NEB: variants seen among roughly 807,000 people sequenced by gnomAD.
The protein encoded by NEB is nemaline myopathy type 2.
NEB carries 512 observed loss-of-function variants against 952.2 expected under a neutral mutation model. The observed-to-expected ratio is 0.54, with a 90% CI of 0.50 to 0.58. The LOEUF (loss-of-function observed/expected upper bound fraction) is 0.58. Ranked by LOEUF, NEB falls within the 20% of genes least tolerant of loss-of-function variation. The probability of loss-of-function intolerance (pLI) is 0.00; values close to 1 mark genes in which losing one functional copy is unlikely to be tolerated. For missense variants in NEB, 8,428 were observed against 9,231.1 expected (o/e 0.91, Z 3.56); for synonymous variants, 2,900 against 3,149.8 (o/e 0.92, Z 2.66).
At chr2:151,573,440 G>A (rs938277643) in intron 107 of NEB, among the ~76,000 whole-genome samples, 1 of 152,188 alleles carries the variant, frequency 6.6e-6, no homozygotes, top group African/African-American at 2.4e-5. Context: ...CTATACTGCA[G>A]TGAAGAACTG....
intron 142 of NEB, among the ~76,000 whole-genome samples, chr2:151,534,586 C>T (rs1275009920): frequency 3.3e-5 from 5 of 152,128 alleles, no homozygotes; most frequent in Non-Finnish European, 7.3e-5. Context: ...CATATGATGC[C>T]ATTAACAACA....
At chr2:151,563,103 C>A (rs2096183169) in intron 119 of NEB, among the ~76,000 whole-genome samples, 1 of 148,234 alleles carries the variant, frequency 6.7e-6, no homozygotes, top group African/African-American at 2.5e-5. Flanking sequence ...CAACCTCTGC[C>A]TCCTGGGTTC....
chr2:151,665,261 G>A, intron 42 of NEB, 72 bp downstream of exon 42: 1 of 1,393,232 alleles, frequency 7.2e-7, no homozygotes, highest in East Asian at 2.3e-5. Context: ...GGAGACGATT[G>A]GGGCACTGCC....
intron 66 of NEB, 30 bp downstream of exon 66, chr2:151,631,113 T>C (rs772954152): frequency 8.7e-6 from 14 of 1,610,584 alleles, no homozygotes; most frequent in South Asian, 3.3e-5. Context: ...TTCTGGCATC[T>C]TGGAGAAGCT....
chr2:151,560,746 G>A (rs757629824), intron 123 of NEB, 47 bp from the exon 124 acceptor site: 1 of 1,428,860 alleles, frequency 7.0e-7, no homozygotes, highest in African/African-American at 1.4e-5. Context: ...AATGCATCTG[G>A]TTAGCTTCTG....
intron 171 of NEB, 71 bp downstream of exon 171, chr2:151,497,555 G>A (rs1029813917): frequency 1.4e-4 from 209 of 1,525,840 alleles, no homozygotes; most frequent in South Asian, 7.0e-4. Flanking sequence ...GGATTAATAC[G>A]TATTATTTTA....
intron 138 of NEB, among the ~76,000 whole-genome samples, chr2:151,540,022 G>A (rs552422028): frequency 6.6e-6 from 1 of 152,298 alleles, no homozygotes; most frequent in Admixed American, 6.5e-5. Context: ...TTGAATCCAT[G>A]TCTGGCTGAC....
rs767934401 is a variant in NEB at position 151,654,236 on chromosome 2, T to C, written c.6808-137A>G. 1.4e-5 allele frequency: 7 copies of C among 496,042 alleles called. No homozygotes were observed. The South Asian group carries it at 1.9e-4, about 13-fold the overall frequency. The allele number at this position is 496,042 out of a possible 1,614,324, so 30.7% of individuals were successfully genotyped here. ...CTATCTTTAAAGATATGGATAAAAA[T>C]AAAACAAGCTGTTTAAAGGAGGGGA... On this transcript the variant is annotated intron_variant, in intron 51 of 181. Transcript: ENST00000397345.
rs757331071 is a variant in NEB at position 151,690,710 on chromosome 2, T to C, written c.2310+17A>G. 5.1e-6 allele frequency: 8 copies of C among 1,558,334 alleles called. 1 individual carries two copies. Among genetic ancestry groups the C allele is most frequent in the Admixed American group, 3.8e-5 (2 of 53,238 alleles). On this transcript the variant is annotated intron_variant, in intron 24 of 181. Transcript: ENST00000397345. ...GCACTCTGGGTCACCCACGCTTGCA[T>C]AAATCAAAGCACTTACATCACTAAG... is the stretch of plus-strand genomic sequence containing the variant.
chr2:151,704,741 T>C (rs1034119816), intron 13 of NEB, among the ~76,000 whole-genome samples: 2 of 152,204 alleles, frequency 1.3e-5, no homozygotes, highest in African/African-American at 4.8e-5. Flanking sequence ...GAGCACTCAC[T>C]GACCTGCGCC....
rs147168910 is a variant in NEB at position 151,633,929 on chromosome 2, G to T, written c.9139C>A (p.His3047Asn). 795 of 1,613,734 alleles carry T rather than the reference G, an allele frequency of 4.9e-4. 1 individual carries two copies. Among genetic ancestry groups the T allele is most frequent in the Non-Finnish European group, 6.3e-4 (749 of 1,179,666 alleles). The change falls in exon 65 of 182, where the codon CAC (histidine) becomes AAC (asparagine). Residue 3047 changes from histidine (H) to asparagine (N), a missense_variant. Physicochemically the swap from His to Asn is moderately conservative, Grantham distance 68. Around this residue, in one of 11 missense-constraint regions of NEB, gnomAD observed 1,772 missense variants for 1,960.3 expected, o/e 0.90. Transcript: ENST00000397345. The part of the protein sequence containing the change: ...YKDGYCKQLG[H>N]HIGARNIEDD... The stretch of plus-strand genomic sequence containing the variant: ...TCAATGTTCCGGGCTCCAATATGGT[G>T]GCCAAGTTGCTTGCAGTAACCATCT...
intron 165 of NEB, among the ~76,000 whole-genome samples, 188 bp from the exon 166 acceptor site, chr2:151,503,629 C>CTT (rs1471517688): frequency 6.6e-6 from 1 of 151,758 alleles, no homozygotes. Flanking sequence ...AAAATTTTTA[C>CTT]TACTTTGAAA....
chr2:151,612,134 C>G, intron 78 of NEB, 52 bp downstream of exon 78: 1 of 1,570,814 alleles, frequency 6.4e-7, no homozygotes. Flanking sequence ...ACTTTATGAG[C>G]CAAATCTGTG....
rs535660251 is a variant in NEB, at chr2:151,664,999, T to A, written c.5239-136A>T. 139 of 715,342 alleles carry A rather than the reference T, an allele frequency of 1.9e-4. 1 individual carries two copies. The African/African-American group carries it at 2.0e-3, about 10-fold the overall frequency. 44.3% of individuals were successfully genotyped at this position (715,342 alleles called of 1,614,324 possible). ...GAAAATGGATGAAATAACAAAAAGA[T>A]GGGCCAAGTAAACTAAATACACAAT... On this transcript the variant is annotated intron_variant, in intron 42 of 181. Transcript: ENST00000397345.
intron 32 of NEB, among the ~76,000 whole-genome samples, chr2:151,679,343 G>A (rs951192384): frequency 1.3e-5 from 2 of 152,144 alleles, no homozygotes; most frequent in African/African-American, 4.8e-5. Flanking sequence ...AGGAAAAAGG[G>A]AGAGGAAAGG....
chr2:151,492,306 T>C (rs771420496), intron 177 of NEB, 25 bp from the exon 178 acceptor site: 6 of 1,604,326 alleles, frequency 3.7e-6, no homozygotes, highest in Non-Finnish European at 5.1e-6. Context: ...ATTTGCTTTA[T>C]GAAAATATGA....
Position 151,561,572 on chromosome 2 carries a change from C to CTTTT in NEB, c.18997-264_18997-261dup, listed in dbSNP as rs376827489. ...CTCCATCCCTGACAGCAGCCCCTCA[C>CTTTT]TTTTTTTTTTTTTTGGTTTCGAACA... On this transcript the variant is annotated intron_variant, in intron 121 of 181. Transcript: ENST00000397345. Among the ~76,000 whole-genome samples the CTTTT allele has an allele frequency of 1.8e-3, 245 of 133,708 alleles. 3 individuals carry two copies. In the East Asian group the frequency reaches 0.037, roughly 20 times the overall value. 87.7% of individuals were successfully genotyped at this position (133,708 alleles called of 152,430 possible).
chr2:151,503,490 CT>C, intron 165 of NEB, 49 bp from the exon 166 acceptor site: 1 of 1,268,396 alleles, frequency 7.9e-7, no homozygotes, highest in Non-Finnish European at 1.1e-6. Flanking sequence ...ACCGTAAATC[CT>C]TTAGATAGCA....
chr2:151,507,060 G>T, intron 162 of NEB, 47 bp from the exon 163 acceptor site: 2 of 1,180,094 alleles, frequency 1.7e-6, no homozygotes, highest in African/African-American at 1.5e-5. Context: ...ACATTGCTTT[G>T]TTTTCTTTAT....
Sources: allele counts gnomAD v4.1 joint callset (sites outside exome capture counted in the v4.1 genomes callset), GRCh38; gene constraint gnomAD v4.1.1; regional missense constraint gnomAD v4.1.1; transcripts MANE v1.5; gene names NCBI Gene and HGNC (gene_info 2026-07-23, HGNC 2026-07-21).